CDH20: variants seen among roughly 807,000 people sequenced by gnomAD.
CDH20 encodes the protein cadherin-20.
A neutral mutation model predicts 74.2 loss-of-function variants in CDH20; 29 were observed. The ratio of observed to expected loss-of-function variants is 0.39; its 90% CI spans 0.29 to 0.53. The LOEUF (loss-of-function observed/expected upper bound fraction) is 0.53. Ranked by LOEUF, CDH20 falls within the 20% of genes least tolerant of loss-of-function variation. The pLI is 0.69. For missense variants in CDH20, 988 were observed against 1,048.3 expected (o/e 0.94, Z 0.79); for synonymous variants, 469 against 405.4 (o/e 1.16, Z -1.88).
rs553104780 is a variant in CDH20, at chr18:61,353,135, C to T, written c.-153+19308C>T. 2.1e-4 allele frequency among the ~76,000 whole-genome samples: 32 copies of T among 152,178 alleles called. No homozygotes were observed. Among genetic ancestry groups the T allele is most frequent in the East Asian group, 3.8e-4 (2 of 5,202 alleles). On this transcript the variant is annotated intron_variant, in intron 1 of 11. Transcript: ENST00000262717. The surrounding 1 kb of genome is among the most constrained non-coding windows in gnomAD (Gnocchi z 4.6). Reference sequence around the variant, plus strand: ...TCCATGATGTGTGCCCCAACAAAGGCGCGGGTCTGATACATCAGTTTCTAA... The same window carrying T: ...TCCATGATGTGTGCCCCAACAAAGGTGCGGGTCTGATACATCAGTTTCTAA...
At chr18:61,386,903 A>T (rs1599051172) in intron 1 of CDH20, among the ~76,000 whole-genome samples, 1 of 152,208 alleles carries the variant, frequency 6.6e-6, no homozygotes, top group Admixed American at 6.5e-5. Flanking sequence ...GTTGTGAGTC[A>T]ATATTTCTGT....
intron 1 of CDH20, among the ~76,000 whole-genome samples, chr18:61,366,160 T>C (rs1378962918): frequency 1.3e-5 from 2 of 152,302 alleles, no homozygotes; most frequent in East Asian, 3.9e-4. Flanking sequence ...ACTGACCTCC[T>C]AAATTCTCTT....
chr18:61,503,179 G>A, intron 5 of CDH20, 59 bp downstream of exon 5: 1 of 1,305,928 alleles, frequency 7.7e-7, no homozygotes, highest in Non-Finnish European at 1.0e-6. Context: ...ACCCGTTGCA[G>A]AGGTGCGGGA....
chr18:61,427,243 C>T (rs1270179542), intron 1 of CDH20, among the ~76,000 whole-genome samples: 6 of 152,104 alleles, frequency 3.9e-5, no homozygotes, highest in Admixed American at 3.3e-4. Context: ...GAGGCATTTG[C>T]TATGTGGCAG....
chr18:61,489,555 T>C (rs774615956), intron 1 of CDH20, among the ~76,000 whole-genome samples: 2 of 151,422 alleles, frequency 1.3e-5, no homozygotes, highest in East Asian at 2.0e-4. Flanking sequence ...TGTGACCACA[T>C]AGCAACAAAA....
intron 1 of CDH20, among the ~76,000 whole-genome samples, chr18:61,426,004 G>C (rs959724785): frequency 6.6e-6 from 1 of 152,042 alleles, no homozygotes; most frequent in Non-Finnish European, 1.5e-5. Flanking sequence ...TTTGCAAATC[G>C]TTCATTGCTA....
intron 1 of CDH20, among the ~76,000 whole-genome samples, chr18:61,340,420 T>C (rs550548743): frequency 6.6e-6 from 1 of 152,178 alleles, no homozygotes; most frequent in African/African-American, 2.4e-5. Context: ...AGAGTTAAGG[T>C]TGTGGGCAAA....
At chr18:61,425,766 CG>C (rs1489396516) in intron 1 of CDH20, among the ~76,000 whole-genome samples, 1 of 152,008 alleles carries the variant, frequency 6.6e-6, no homozygotes, top group African/African-American at 2.4e-5. Context: ...GCTCAGATGA[CG>C]GATACACGAA....
intron 1 of CDH20, among the ~76,000 whole-genome samples, chr18:61,342,630 G>C (rs943503018): frequency 2.6e-5 from 4 of 152,136 alleles, no homozygotes; most frequent in African/African-American, 9.7e-5. Flanking sequence ...TCCCACTTGG[G>C]ACAACACAAA....
intron 1 of CDH20, among the ~76,000 whole-genome samples, chr18:61,347,188 C>T (rs1211385449): frequency 2.0e-5 from 3 of 150,298 alleles, no homozygotes; most frequent in Admixed American, 2.0e-4. Flanking sequence ...GTGGTTCATG[C>T]CTGTGATCCT....
intron 10 of CDH20, among the ~76,000 whole-genome samples, chr18:61,546,596 A>G (rs573657465): frequency 3.9e-4 from 60 of 152,358 alleles, no homozygotes; most frequent in South Asian, 8.3e-4. Context: ...GGGGAGGGAA[A>G]ATAACACATT....
chr18:61,462,218 A>G (rs1909803826), intron 1 of CDH20, among the ~76,000 whole-genome samples: 1 of 152,202 alleles, frequency 6.6e-6, no homozygotes, highest in Non-Finnish European at 1.5e-5. Flanking sequence ...CTGTGAGGTG[A>G]TGGATATATT....
chr18:61,396,636 G>A (rs1364749657), intron 1 of CDH20, among the ~76,000 whole-genome samples: 1 of 152,202 alleles, frequency 6.6e-6, no homozygotes, highest in East Asian at 1.9e-4. Context: ...GATACACGCT[G>A]CAGGTGAATT....
chr18:61,352,779 A>G (rs1442932538), intron 1 of CDH20, among the ~76,000 whole-genome samples: 2 of 152,204 alleles, frequency 1.3e-5, no homozygotes, highest in African/African-American at 4.8e-5. Flanking sequence ...TCTAGAAACT[A>G]CTTGGACTCT....
intron 1 of CDH20, among the ~76,000 whole-genome samples, chr18:61,457,847 A>C (rs9954111): frequency 0.16 from 24,271 of 152,126 alleles, 2,166 homozygotes; most frequent in East Asian, 0.25. Flanking sequence ...CATCCAGGCA[A>C]TCCATAGCTG....
In CDH20 at chr18:61,352,667, C is replaced by T. The variant is rs75013872; in HGVS notation, c.-153+18840C>T. ...AATAATTACCTTAGTTGCTGGACCACATTGGCAAATAAGACCACAATATTC... is the reference window on the plus strand; with the variant it reads ...AATAATTACCTTAGTTGCTGGACCATATTGGCAAATAAGACCACAATATTC... On this transcript the variant is annotated intron_variant, in intron 1 of 11. Transcript: ENST00000262717. Among the ~76,000 whole-genome samples the T allele has an allele frequency of 2.9e-3, 437 of 152,316 alleles. 1 individual carries two copies. Among genetic ancestry groups the T allele is most frequent in the Non-Finnish European group, 5.1e-3 (346 of 68,026 alleles).
chr18:61,436,310 G>C (rs1464137926), intron 1 of CDH20, among the ~76,000 whole-genome samples: 2 of 152,088 alleles, frequency 1.3e-5, no homozygotes, highest in South Asian at 4.1e-4. Context: ...CTGGGTAACT[G>C]TATGTGTAAC....
At chr18:61,473,747 A>G (rs1568154221) in intron 1 of CDH20, among the ~76,000 whole-genome samples, 1 of 152,214 alleles carries the variant, frequency 6.6e-6, no homozygotes, top group Non-Finnish European at 1.5e-5. Flanking sequence ...TAATTCCCAA[A>G]TAACAATGAT....
chr18:61,451,899 A>G (rs573087361), intron 1 of CDH20, among the ~76,000 whole-genome samples: 2 of 152,258 alleles, frequency 1.3e-5, no homozygotes, highest in Non-Finnish European at 2.9e-5. Flanking sequence ...GACATACCAC[A>G]TGCACTGAAT....
Sources: allele counts gnomAD v4.1 joint callset (sites outside exome capture counted in the v4.1 genomes callset), GRCh38; gene constraint gnomAD v4.1.1; non-coding constraint Gnocchi (gnomAD v3.1); transcripts MANE v1.5; gene names NCBI Gene and HGNC (gene_info 2026-07-23, HGNC 2026-07-21).